Variants in MERTK observed in about 807,000 individuals in gnomAD.
MERTK encodes MER proto-oncogene, tyrosine kinase, also known as tyrosine-protein kinase Mer.
A neutral mutation model predicts 99.3 loss-of-function variants in MERTK; 69 were observed. That is an observed-to-expected ratio of 0.70 (90% CI 0.57 to 0.85). The LOEUF (loss-of-function observed/expected upper bound fraction) is 0.85. MERTK is among the 40% of genes least tolerant of loss of function. The pLI is 0.00. For missense variants in MERTK, 1,125 were observed against 1,249.4 expected, an observed-to-expected ratio of 0.90 and a Z score of 1.50; for synonymous variants, 426 against 467.6, an observed-to-expected ratio of 0.91 and a Z score of 1.15.
At chr2:111,956,841 G>A (rs1418702393) in intron 4 of MERTK, among the ~76,000 whole-genome samples, 2 of 151,936 alleles carry the variant, frequency 1.3e-5, no homozygotes, top group Admixed American at 1.3e-4. Context: ...TGTAGGACGG[G>A]ATCTCACTAT....
chr2:112,028,325 A>G, intron 18 of MERTK, 26 bp from the exon 19 acceptor site: 1 of 1,611,578 alleles, frequency 6.2e-7, no homozygotes, highest in Non-Finnish European at 8.5e-7. Context: ...ATGCTGGGAG[A>G]CAATCCACTT....
Position 112,019,402 on chromosome 2 carries a change from C to G in MERTK, c.2080-11C>G, listed in dbSNP as rs3811640. ...AAGATAGTCTTTCTTCTTGTTTCCT[C>G]TATCATCTAGCATATTCCTCTGCAG... is the stretch of plus-strand genomic sequence containing the variant. On this transcript the variant is annotated splice_polypyrimidine_tract_variant and intron_variant, in intron 15 of 18. Coordinates refer to ENST00000295408, the MANE Select transcript of MERTK (RefSeq NM_006343.3). 5 of 1,591,260 alleles carry G rather than the reference C, an allele frequency of 3.1e-6. No individual in the cohort carries two copies. Among genetic ancestry groups the G allele is most frequent in the Middle Eastern group, 1.7e-4 (1 of 6,050 alleles).
intron 1 of MERTK, among the ~76,000 whole-genome samples, chr2:111,908,922 C>T (rs961805832): frequency 6.6e-6 from 1 of 152,072 alleles, no homozygotes; most frequent in African/African-American, 2.4e-5. Flanking sequence ...AACATCTCAA[C>T]AGCAAAAAAC....
At chr2:111,899,706 C>T in intron 1 of MERTK, among the ~76,000 whole-genome samples, 1 of 152,118 alleles carries the variant, frequency 6.6e-6, no homozygotes, top group East Asian at 1.9e-4. Flanking sequence ...TTAGTAGAGA[C>T]GGGGTTTCAC....
rs1010404232 is a variant in MERTK at position 111,988,465 on chromosome 2, T to A, written c.1296+5472T>A. On this transcript the variant is annotated intron_variant, in intron 8 of 18. Transcript: ENST00000295408. Reference sequence around the variant, plus strand: ...AGACAGCCTTGATGATTTTCTCTAATGCACTAAGACTTGAAAGATACCACA... The same window carrying A: ...AGACAGCCTTGATGATTTTCTCTAAAGCACTAAGACTTGAAAGATACCACA... 3.9e-5 allele frequency among the ~76,000 whole-genome samples: 6 copies of A among 152,306 alleles called. No individual in the cohort carries two copies. In the South Asian group the frequency reaches 1.2e-3, roughly 32 times the overall value.
chr2:111,958,524 C>T (rs566555977), intron 4 of MERTK, among the ~76,000 whole-genome samples: 13 of 152,214 alleles, frequency 8.5e-5, no homozygotes, highest in Non-Finnish European at 1.6e-4. Context: ...TTCCTCTTCT[C>T]TCTACTGGTA....
chr2:112,000,157 T>C lies in MERTK; in HGVS notation c.1605-1044T>C, dbSNP rs549035473. The stretch of plus-strand genomic sequence containing the variant: ...CAGGAACTGGCTATTTTCACTTCTT[T>C]TGTGGATCTTCGGTTGCTTCAGGCC... On this transcript the variant is annotated intron_variant, in intron 10 of 18. Coordinates refer to ENST00000295408, the MANE Select transcript of MERTK (RefSeq NM_006343.3). Among the ~76,000 whole-genome samples the C allele has an allele frequency of 1.2e-3, 180 of 152,312 alleles. 1 individual carries two copies. The highest frequency in any genetic ancestry group is 6.9e-4 in the Non-Finnish European group (47 of 68,030).
intron 15 of MERTK, among the ~76,000 whole-genome samples, chr2:112,013,072 C>T (rs1463956677): frequency 6.6e-6 from 1 of 151,952 alleles, no homozygotes; most frequent in Non-Finnish European, 1.5e-5. Context: ...CTAGGGACAG[C>T]TTAAGTGATC....
chr2:112,023,912 C>A (rs1338179001), intron 18 of MERTK, among the ~76,000 whole-genome samples: 1 of 152,162 alleles, frequency 6.6e-6, no homozygotes, highest in African/African-American at 2.4e-5. Flanking sequence ...CACACACACA[C>A]ACGCCCTGCT....
In MERTK at chr2:111,907,662, C is replaced by T. The variant is rs193155201; in HGVS notation, c.61+8866C>T. Among the ~76,000 whole-genome samples, 697 of 142,688 alleles carry T rather than the reference C, an allele frequency of 4.9e-3. 9 individuals carry two copies. Among genetic ancestry groups the T allele is most frequent in the African/African-American group, 0.017 (679 of 40,098 alleles). The allele number at this position is 142,688 out of a possible 152,430, so 93.6% of individuals were successfully genotyped here. ...GGGGTGGATGGAGTGGGGCATATCC[C>T]CCCTGAGGGGGAACAGCAGAATCTT... On this transcript the variant is annotated intron_variant, in intron 1 of 18. Transcript: ENST00000295408.
At chr2:111,961,713 A>G (rs1685255193) in intron 4 of MERTK, among the ~76,000 whole-genome samples, 1 of 152,196 alleles carries the variant, frequency 6.6e-6, no homozygotes, top group Non-Finnish European at 1.5e-5. Context: ...TTCCATCTAG[A>G]TGGAAAATAA....
chr2:111,970,802 CCCT>C (rs1360043501), intron 6 of MERTK, among the ~76,000 whole-genome samples: 29 of 25,104 alleles, frequency 1.2e-3, no homozygotes, highest in East Asian at 7.3e-3. Flanking sequence ...TCCTCCTCCC[CCCT>C]CCTCCTCCTC....
chr2:112,015,158 T>G (rs1677192207), intron 15 of MERTK, among the ~76,000 whole-genome samples: 1 of 152,334 alleles, frequency 6.6e-6, no homozygotes, highest in East Asian at 1.9e-4. Context: ...ATGTACAGAT[T>G]TGTGGATGAA....
intron 1 of MERTK, among the ~76,000 whole-genome samples, chr2:111,902,252 T>A (rs1396590011): frequency 6.6e-6 from 1 of 152,246 alleles, no homozygotes. Flanking sequence ...GCCAGTGAGT[T>A]ACTAGTCAGC....
chr2:111,987,668 G>C (rs992822687), intron 8 of MERTK, among the ~76,000 whole-genome samples: 1 of 152,170 alleles, frequency 6.6e-6, no homozygotes, highest in Non-Finnish European at 1.5e-5. Context: ...AGTGTCAGTG[G>C]ATCTTCTGTG....
intron 4 of MERTK, among the ~76,000 whole-genome samples, chr2:111,963,363 T>C (rs1024661506): frequency 3.3e-5 from 5 of 152,230 alleles, no homozygotes; most frequent in Non-Finnish European, 7.3e-5. Context: ...CTTCCTCTTA[T>C]ACTAATCCTC....
chr2:111,915,162 C>CA (rs1199941427), intron 1 of MERTK, among the ~76,000 whole-genome samples: 1 of 152,110 alleles, frequency 6.6e-6, no homozygotes, highest in Non-Finnish European at 1.5e-5. Flanking sequence ...TCTATGCTAC[C>CA]AAATTCATGT....
At chr2:112,003,773 A>G (rs1025978090) in intron 12 of MERTK, 131 bp from the exon 13 acceptor site, 2 of 802,758 alleles carry the variant, frequency 2.5e-6, no homozygotes, top group African/African-American at 1.7e-5. Flanking sequence ...TGGCCTGGGC[A>G]GGCTCTGCCT....
At chr2:111,901,558 T>C (rs1684043224) in intron 1 of MERTK, among the ~76,000 whole-genome samples, 1 of 134,258 alleles carries the variant, frequency 7.4e-6, no homozygotes, top group South Asian at 2.6e-4. Flanking sequence ...TTTCTTTCTT[T>C]CTTTTTTTTT....
Sources: gnomAD v4.1 joint callset for allele counts (sites outside exome capture counted in the v4.1 genomes callset) on GRCh38, gnomAD v4.1.1 for gene constraint, MANE v1.5 for transcripts, NCBI Gene and HGNC (gene_info 2026-07-23, HGNC 2026-07-21) for gene names.